Variants in LIMCH1 observed in about 807,000 individuals in gnomAD.
The protein encoded by LIMCH1 is LIM and calponin homology domains-containing protein 1.
A neutral mutation model predicts 176.5 loss-of-function variants in LIMCH1; 113 were observed. The ratio of observed to expected loss-of-function variants is 0.64; its 90% CI spans 0.55 to 0.75. The LOEUF (loss-of-function observed/expected upper bound fraction) is 0.75, where lower values mean the gene tolerates loss of function less well. Ranked by LOEUF, LIMCH1 falls within the 30% of genes least tolerant of loss-of-function variation. LIMCH1 has a pLI of 0.00. For synonymous variants in LIMCH1, 619 were observed against 645.9 expected (o/e 0.96, Z 0.63); for missense variants, 1,674 against 1,814.9 (o/e 0.92, Z 1.41).
At chr4:41,522,389 GTCTT>G (rs1427770055) in intron 2 of LIMCH1, among the ~76,000 whole-genome samples, 7 of 152,130 alleles carry the variant, frequency 4.6e-5, no homozygotes, top group Admixed American at 4.6e-4. Flanking sequence ...CCTCTGGAAA[GTCTT>G]TCAGGTTGCC....
At chr4:41,630,704 C>T (rs956248259) in intron 9 of LIMCH1, among the ~76,000 whole-genome samples, 4 of 152,068 alleles carry the variant, frequency 2.6e-5, no homozygotes, top group African/African-American at 7.2e-5. Flanking sequence ...CCTCAGTATC[C>T]GTGCTTGATT....
At chr4:41,481,904 G>A (rs2068714206) in intron 1 of LIMCH1, among the ~76,000 whole-genome samples, 1 of 151,252 alleles carries the variant, frequency 6.6e-6, no homozygotes, top group South Asian at 2.1e-4. Context: ...AGGCTGGAGT[G>A]CAGTGGTGCA....
Position 41,419,587 on chromosome 4 carries a change from CTTCCTTCCTTCCTTCCGTCCTTCCTTCCT to C in LIMCH1, c.96+58653_96+58681del, listed in dbSNP as rs1561309265. 2.7e-3 allele frequency among the ~76,000 whole-genome samples: 230 copies of C among 83,974 alleles called. 3 individuals carry two copies. Among genetic ancestry groups the C allele is most frequent in the African/African-American group, 0.019 (210 of 10,932 alleles). 55.1% of individuals were successfully genotyped at this position (83,974 alleles called of 152,430 possible). ...CCTTCCTTCCTTCCTTCCTTCCTTCCTTCCTTCCTTCCTTCCGTCCTTCCTTCCTTCCTTCCTTCCTTCCTTCCTCCTTC... is the reference window on the plus strand; with the variant it reads ...CCTTCCTTCCTTCCTTCCTTCCTTCCTCCTTCCTTCCTTCCTTCCTCCTTC... On this transcript the variant is annotated intron_variant, in intron 1 of 26. Coordinates refer to the LIMCH1 transcript ENST00000313860.
intron 2 of LIMCH1, among the ~76,000 whole-genome samples, chr4:41,508,822 C>T (rs1158677477): frequency 6.6e-6 from 1 of 152,158 alleles, no homozygotes; most frequent in African/African-American, 2.4e-5. Flanking sequence ...AAAGGCCTGC[C>T]TTGCTTGCAG....
At chr4:41,372,308 T>A (rs947598437) in intron 1 of LIMCH1, among the ~76,000 whole-genome samples, 1 of 152,242 alleles carries the variant, frequency 6.6e-6, no homozygotes, top group African/African-American at 2.4e-5. Flanking sequence ...ACTGCTCTGG[T>A]TACAAAGTTG....
At chr4:41,385,892 A>G (rs1439172709) in intron 1 of LIMCH1, 1 of 152,216 alleles carries the variant, frequency 6.6e-6, no homozygotes, top group African/African-American at 2.4e-5. Flanking sequence ...TTTGGAGCCA[A>G]CTGTAAGTGT....
chr4:41,530,820 T>A (rs6850724), intron 3 of LIMCH1, among the ~76,000 whole-genome samples: 2,473 of 42,586 alleles, frequency 0.058, 13 homozygotes, highest in African/African-American at 0.33. Flanking sequence ...AAAAAAAAAA[T>A]TTTTTTTTTT....
chr4:41,480,947 G>A (rs2068500788), intron 1 of LIMCH1, among the ~76,000 whole-genome samples: 1 of 152,050 alleles, frequency 6.6e-6, no homozygotes, highest in African/African-American at 2.4e-5. Context: ...TCTGCATCTA[G>A]ATCATACAAG....
rs990991321 is a variant in LIMCH1, at chr4:41,515,368, G to A, written c.168-9041G>A. Among the ~76,000 whole-genome samples, 122 of 152,222 alleles carry A rather than the reference G, an allele frequency of 8.0e-4. 1 individual carries two copies. Among genetic ancestry groups the A allele is most frequent in the Non-Finnish European group, 2.9e-4 (20 of 68,048 alleles). On this transcript the variant is annotated intron_variant, in intron 2 of 26. Coordinates refer to the LIMCH1 transcript ENST00000313860. ...TGGAGGCCTGTCCTTCAGAAGGATT[G>A]GCATTGTCTCGTTCCCTCACTGCTG...
At chr4:41,542,061 ACTCTGGGCTGGATGGGAG>A (rs1340818421) in intron 1 of LIMCH1, among the ~76,000 whole-genome samples, 1 of 151,400 alleles carries the variant, frequency 6.6e-6, no homozygotes, top group Non-Finnish European at 1.5e-5. Context: ...CTGCTGGGCC[ACTCTGGGCTGGATGGGAG>A]CTCTGACCAT....
upstream of LIMCH1, among the ~76,000 whole-genome samples, chr4:41,533,448 A>T (rs188614506): frequency 2.0e-5 from 3 of 152,290 alleles, no homozygotes; most frequent in Admixed American, 2.0e-4. Context: ...CATTCTCCTG[A>T]ACACCGGCTC....
chr4:41,520,070 T>G (rs1245282521), intron 2 of LIMCH1, among the ~76,000 whole-genome samples: 2 of 152,220 alleles, frequency 1.3e-5, no homozygotes, highest in Non-Finnish European at 2.9e-5. Context: ...TGTAACTTTA[T>G]TTTTTACCGA....
Position 41,628,205 on chromosome 4 carries a change from A to G in LIMCH1, c.1028+1195A>G, listed in dbSNP as rs183795258. Reference sequence around the variant, plus strand: ...TGAAACAAAGACTTTTGGATAACTGACTAACATCAAGGCATATTGATGGCA... The same window carrying G: ...TGAAACAAAGACTTTTGGATAACTGGCTAACATCAAGGCATATTGATGGCA... On this transcript the variant is annotated intron_variant, in intron 8 of 31. Transcript: ENST00000503057. 1.7e-3 allele frequency among the ~76,000 whole-genome samples: 255 copies of G among 152,308 alleles called. 3 individuals carry two copies. The highest frequency in any genetic ancestry group is 1.4e-3 in the Non-Finnish European group (94 of 68,024).
intron 1 of LIMCH1, among the ~76,000 whole-genome samples, chr4:41,488,515 A>G (rs1377176336): frequency 1.3e-5 from 2 of 152,238 alleles, no homozygotes; most frequent in African/African-American, 4.8e-5. Context: ...AGAGGATACT[A>G]ACAAAATAAT....
At chr4:41,417,031 G>T (rs1045016062) in intron 1 of LIMCH1, among the ~76,000 whole-genome samples, 2 of 152,144 alleles carry the variant, frequency 1.3e-5, no homozygotes, top group Non-Finnish European at 2.9e-5. Context: ...TGTGAAATTT[G>T]TGACTTTTGG....
At chr4:41,665,706 A>G (rs2094799191) in intron 20 of LIMCH1, among the ~76,000 whole-genome samples, 2 of 152,182 alleles carry the variant, frequency 1.3e-5, no homozygotes, top group Admixed American at 6.5e-5. Context: ...CTCCTCATTC[A>G]GACCTATGCA....
chr4:41,609,345 AGG>A (rs1173007901), intron 4 of LIMCH1, among the ~76,000 whole-genome samples: 1 of 151,872 alleles, frequency 6.6e-6, no homozygotes, highest in Non-Finnish European at 1.5e-5. Flanking sequence ...CCATGAAGAC[AGG>A]GTATTTGTTG....
In LIMCH1 at chr4:41,646,578, C is replaced by G; in HGVS notation, c.2505C>G (p.Phe835Leu). Residue 835 changes from phenylalanine (F) to leucine (L), a missense_variant, in exon 17 of 32, where the codon TTC (phenylalanine) becomes TTG (leucine). By Grantham distance (22) the Phe-to-Leu change is conservative. Around this residue, in one of 3 missense-constraint regions of LIMCH1, gnomAD observed 1,015 missense variants for 1,102.5 expected, o/e 0.92. Coordinates refer to ENST00000503057, the MANE Select transcript of LIMCH1 (RefSeq NM_001330672.2). ...EGILQQYIERFTISEAVLERL... is the reference protein window; with the variant it reads ...EGILQQYIERLTISEAVLERL... ...TCCTTCAACAGTACATTGAGAGGTT[C>G]ACCATCAGTGAGGCTGTTCTCGAAC... is the stretch of plus-strand genomic sequence containing the variant. 6.2e-7 allele frequency: 1 copy of G among 1,614,166 alleles called. No homozygotes were observed. Among genetic ancestry groups the G allele is most frequent in the Non-Finnish European group, 8.5e-7 (1 of 1,180,030 alleles).
At chr4:41,428,761 TG>T (rs1377652045) in intron 1 of LIMCH1, among the ~76,000 whole-genome samples, 2 of 152,174 alleles carry the variant, frequency 1.3e-5, no homozygotes, top group African/African-American at 4.8e-5. Flanking sequence ...TGAGGAAAGA[TG>T]AAAGAGCTGA....
Sources: allele counts gnomAD v4.1 joint callset (sites outside exome capture counted in the v4.1 genomes callset), GRCh38; gene constraint gnomAD v4.1.1; regional missense constraint gnomAD v4.1.1; transcripts MANE v1.5; gene names NCBI Gene and HGNC (gene_info 2026-07-23, HGNC 2026-07-21).